SCARA5: variants seen among roughly 807,000 people sequenced by gnomAD.
SCARA5 encodes scavenger receptor class A member 5, also known as scavenger receptor class A, member 5 (putative).
SCARA5 carries 45 observed loss-of-function variants against 46.3 expected under a neutral mutation model. That is an observed-to-expected ratio of 0.97 (90% confidence interval 0.76 to 1.24). SCARA5 has a LOEUF of 1.24. SCARA5 is among the 50% of genes most tolerant of loss of function. The pLI is 0.00. For missense variants in SCARA5, 680 were observed against 689.0 expected, an observed-to-expected ratio of 0.99 and a Z score of 0.15; for synonymous variants, 333 against 306.5, an observed-to-expected ratio of 1.09 and a Z score of -0.90.
chr8:27,908,756 C>T (rs1335959000), intron 5 of SCARA5, among the ~76,000 whole-genome samples: 2 of 152,110 alleles, frequency 1.3e-5, no homozygotes, highest in African/African-American at 4.8e-5. Context: ...AAATGCAGTT[C>T]CAGAGCCCCA....
chr8:27,889,673 C>T (rs1356407584), intron 7 of SCARA5, among the ~76,000 whole-genome samples: 1 of 152,192 alleles, frequency 6.6e-6, no homozygotes, highest in African/African-American at 2.4e-5. Context: ...ATTACTTTAA[C>T]CCTGGAACTG....
Position 27,976,271 on chromosome 8 carries a change from C to T in SCARA5, c.113-9729G>A, listed in dbSNP as rs191425750. On this transcript the variant is annotated intron_variant, in intron 2 of 8. Coordinates refer to ENST00000354914, the MANE Select transcript of SCARA5 (RefSeq NM_173833.6). ...GGCTGGTGAAAGATGCCATTATTCACGCTGCAAATGCACAGTACACGGATT... is the reference window on the plus strand; with the variant it reads ...GGCTGGTGAAAGATGCCATTATTCATGCTGCAAATGCACAGTACACGGATT... Among the ~76,000 whole-genome samples the T allele has an allele frequency of 7.0e-4, 107 of 152,206 alleles. 2 individuals carry two copies. The highest frequency in any genetic ancestry group is 5.8e-3 in the Admixed American group (89 of 15,288).
chr8:27,943,768 A>G (rs1807987729), intron 3 of SCARA5, among the ~76,000 whole-genome samples: 3 of 152,206 alleles, frequency 2.0e-5, no homozygotes, highest in Admixed American at 6.5e-5. Context: ...TTTGATGACC[A>G]CCTTTGTAAT....
chr8:27,961,228 T>C (rs1463288028), intron 3 of SCARA5, among the ~76,000 whole-genome samples: 1 of 152,220 alleles, frequency 6.6e-6, no homozygotes, highest in Non-Finnish European at 1.5e-5. Flanking sequence ...GGGAGGTCTT[T>C]GGACCATGGG....
At chr8:27,908,010 G>C (rs1807296736) in intron 5 of SCARA5, among the ~76,000 whole-genome samples, 1 of 152,150 alleles carries the variant, frequency 6.6e-6, no homozygotes, top group East Asian at 1.9e-4. Context: ...GCCAATCGGA[G>C]CTCAGAGAGA....
At chr8:27,970,302 A>C (rs1808429464) in intron 2 of SCARA5, among the ~76,000 whole-genome samples, 1 of 152,204 alleles carries the variant, frequency 6.6e-6, no homozygotes. Context: ...GGTAGGAGAC[A>C]AGATTCAACT....
intron 4 of SCARA5, among the ~76,000 whole-genome samples, chr8:27,918,682 GGAGGAAAAGGAAGAT>G (rs1295799216): frequency 3.0e-4 from 7 of 23,556 alleles, no homozygotes; most frequent in Non-Finnish European, 5.6e-4. Context: ...AGGAAGATGA[GGAGGAAAAGGAAGAT>G]GAGGAGGAAA....
intron 7 of SCARA5, among the ~76,000 whole-genome samples, chr8:27,882,287 T>C (rs1311488054): frequency 1.3e-5 from 2 of 152,242 alleles, no homozygotes; most frequent in African/African-American, 4.8e-5. Context: ...TATTCATCCA[T>C]TCACCTACTG....
At chr8:27,916,465 GTA>G (rs370329401) in intron 4 of SCARA5, among the ~76,000 whole-genome samples, 26 of 152,144 alleles carry the variant, frequency 1.7e-4, no homozygotes, top group African/African-American at 6.0e-4. Flanking sequence ...GCAGGTATGC[GTA>G]TATGTGTGTG....
Position 27,987,667 on chromosome 8 carries a change from A to AAG in SCARA5, c.-15-39_-15-38dup, listed in dbSNP as rs762837457. Reference sequence around the variant, plus strand: ...GCAAGAGGGGAGGAGAGGGAGGACGAAGGCCGGGAGAGAGACAGAGAATCA... The same window carrying AAG: ...GCAAGAGGGGAGGAGAGGGAGGACGAAGAGGCCGGGAGAGAGACAGAGAATCA... On this transcript the variant is annotated intron_variant, in intron 1 of 8. Coordinates refer to ENST00000354914, the MANE Select transcript of SCARA5 (RefSeq NM_173833.6). 5.6e-6 allele frequency: 7 copies of AAG among 1,245,868 alleles called. No individual in the cohort carries two copies. The Admixed American group carries it at 1.2e-4, about 21-fold the overall frequency. The allele number at this position is 1,245,868 out of a possible 1,614,324, so 77.2% of individuals were successfully genotyped here. A position where few individuals can be genotyped will look rare whatever the true frequency, so the allele number is the denominator to read the frequency against.
intron 4 of SCARA5, among the ~76,000 whole-genome samples, chr8:27,916,712 C>T (rs1807466873): frequency 6.6e-6 from 1 of 152,126 alleles, no homozygotes; most frequent in South Asian, 2.1e-4. Flanking sequence ...ATAATAATTA[C>T]CAGGCACCTG....
At chr8:27,956,467 C>T (rs1208748081) in intron 3 of SCARA5, among the ~76,000 whole-genome samples, 2 of 152,174 alleles carry the variant, frequency 1.3e-5, no homozygotes, top group Non-Finnish European at 1.5e-5. Flanking sequence ...TATTGAGGCC[C>T]TAGTATAAGC....
At chr8:27,907,572 C>CTTTTT (rs144977060) in intron 5 of SCARA5, among the ~76,000 whole-genome samples, 11 of 97,268 alleles carry the variant, frequency 1.1e-4, no homozygotes, top group Admixed American at 2.2e-4. Flanking sequence ...TCAGCAAACA[C>CTTTTT]TTTTTTTTTT....
intron 1 of SCARA5, among the ~76,000 whole-genome samples, chr8:27,988,206 G>A (rs1808734069): frequency 6.6e-6 from 1 of 152,166 alleles, no homozygotes; most frequent in African/African-American, 2.4e-5. Context: ...GGCTCAGTAG[G>A]ACCACAGCAG....
rs564705410 is a variant in SCARA5 at position 27,956,178 on chromosome 8, A to T, written c.241+10236T>A. On this transcript the variant is annotated intron_variant, in intron 3 of 8. Coordinates refer to ENST00000354914, the MANE Select transcript of SCARA5 (RefSeq NM_173833.6). ...AGAGGAGGAGGGTAAGGGTTGGAAA[A>T]CTACCTATGGGGTGCAATGTTCAGT... is the stretch of plus-strand genomic sequence containing the variant. Among the ~76,000 whole-genome samples the T allele has an allele frequency of 5.3e-5, 8 of 152,242 alleles. No homozygotes were observed. The South Asian group carries it at 1.7e-3, about 32-fold the overall frequency.
chr8:27,960,278 G>A (rs1176910290), intron 3 of SCARA5, among the ~76,000 whole-genome samples: 2 of 151,870 alleles, frequency 1.3e-5, no homozygotes, highest in East Asian at 3.9e-4. Context: ...CTGGGCTCGA[G>A]TGATCCTCCT....
chr8:27,976,219 C>T (rs940656814), intron 2 of SCARA5, among the ~76,000 whole-genome samples: 3 of 152,028 alleles, frequency 2.0e-5, no homozygotes, highest in Non-Finnish European at 2.9e-5. Flanking sequence ...GCCTGAGAGC[C>T]CCCCAGGAAG....
chr8:27,932,479 C>T (rs1434448829), intron 3 of SCARA5, among the ~76,000 whole-genome samples: 2 of 152,332 alleles, frequency 1.3e-5, no homozygotes, highest in South Asian at 2.1e-4. Context: ...AAACAACAAA[C>T]GTTTATGGTT....
intron 3 of SCARA5, among the ~76,000 whole-genome samples, chr8:27,958,004 G>A (rs904714475): frequency 3.9e-5 from 6 of 152,224 alleles, no homozygotes; most frequent in African/African-American, 1.4e-4. Flanking sequence ...GAGCGTGTCT[G>A]TGTTCCAGTA....
Sources: allele counts gnomAD v4.1 joint callset (sites outside exome capture counted in the v4.1 genomes callset), GRCh38; gene constraint gnomAD v4.1.1; transcripts MANE v1.5; gene names NCBI Gene and HGNC (gene_info 2026-07-23, HGNC 2026-07-21).